Variants in HPSE2 observed in about 807,000 individuals in gnomAD.
HPSE2 encodes the protein heparanase 2 (inactive).
In HPSE2, 38 loss-of-function variants were observed where a neutral mutation model predicts 60.5. That is an observed-to-expected ratio of 0.63 (90% CI 0.48 to 0.82). HPSE2 has a LOEUF of 0.82. Ranked by LOEUF, HPSE2 falls within the 40% of genes least tolerant of loss-of-function variation. The pLI is 0.00. For missense variants in HPSE2, 713 were observed against 740.4 expected, an observed-to-expected ratio of 0.96 and a Z score of 0.43; for synonymous variants, 295 against 293.2, an observed-to-expected ratio of 1.01 and a Z score of -0.06.
chr10:98,703,364 C>G (rs1413490612), intron 5 of HPSE2, among the ~76,000 whole-genome samples: 1 of 152,152 alleles, frequency 6.6e-6, no homozygotes, highest in South Asian at 2.1e-4. Context: ...CAAAGAAGAG[C>G]TGGTACCAGT....
intron 3 of HPSE2, among the ~76,000 whole-genome samples, chr10:99,068,674 A>G (rs890827203): frequency 6.6e-6 from 1 of 152,200 alleles, no homozygotes; most frequent in African/African-American, 2.4e-5. Flanking sequence ...CAACAGAAAA[A>G]CAAAACATTA....
At chr10:98,595,543 A>G (rs781335736) in intron 9 of HPSE2, among the ~76,000 whole-genome samples, 24 of 152,090 alleles carry the variant, frequency 1.6e-4, no homozygotes, top group Admixed American at 2.6e-4. Context: ...ATTTTTATAT[A>G]TTGGTTTTAT....
chr10:99,177,519 CAAAG>C (rs1564870874), intron 2 of HPSE2, among the ~76,000 whole-genome samples: 2 of 151,936 alleles, frequency 1.3e-5, no homozygotes, highest in South Asian at 2.1e-4. Context: ...TCAAAAAAGA[CAAAG>C]AAGGGCATTA....
At chr10:99,070,778 T>C (rs1422016181) in intron 3 of HPSE2, among the ~76,000 whole-genome samples, 1 of 152,198 alleles carries the variant, frequency 6.6e-6, no homozygotes, top group Non-Finnish European at 1.5e-5. Flanking sequence ...CTGTGACTGG[T>C]TTATTTGACT....
intron 3 of HPSE2, among the ~76,000 whole-genome samples, chr10:98,776,278 CA>C (rs35176062): frequency 0.087 from 11,975 of 136,920 alleles, 728 homozygotes; most frequent in African/African-American, 0.17. Context: ...ACTAAAAATA[CA>C]AAAAAAAAAA....
At position 98,522,321 on chromosome 10, in the gene HPSE2, A is replaced by C. The variant is rs575373467; in HGVS notation, c.1321-32125T>G. Among the ~76,000 whole-genome samples, 26 of 152,110 alleles carry C rather than the reference A, an allele frequency of 1.7e-4. 1 individual carries two copies. The South Asian group carries it at 2.5e-3, about 15-fold the overall frequency. ...AGAATCAGGCTGTGGAGAGATAGAG[A>C]ATCTTTGTTCCCCACCATCCACTAT... On this transcript the variant is annotated intron_variant, in intron 9 of 11. Transcript: ENST00000370552.
chr10:98,606,456 G>A (rs372473145), intron 9 of HPSE2, among the ~76,000 whole-genome samples: 4 of 152,186 alleles, frequency 2.6e-5, no homozygotes, highest in South Asian at 2.1e-4. Context: ...AGAAGCTCCC[G>A]AGGTGACTAT....
At chr10:98,815,991 C>A (rs1443376484) in intron 3 of HPSE2, among the ~76,000 whole-genome samples, 2 of 133,148 alleles carry the variant, frequency 1.5e-5, no homozygotes, top group African/African-American at 5.8e-5. Context: ...AACACATGAA[C>A]ACAGGAAGGG....
At chr10:99,231,271 C>T (rs889424039) in intron 2 of HPSE2, among the ~76,000 whole-genome samples, 1 of 152,152 alleles carries the variant, frequency 6.6e-6, no homozygotes, top group African/African-American at 2.4e-5. Flanking sequence ...TTTGTAAGGA[C>T]AAGATATAAC....
the HPSE2 span, among the ~76,000 whole-genome samples, chr10:99,261,117 C>T: frequency 8.5e-5 from 13 of 152,182 alleles, no homozygotes; most frequent in Admixed American, 3.9e-4. Flanking sequence ...TGGTCCCTCC[C>T]TAGTCTCTGC....
chr10:98,940,927 A>G (rs1347394362), intron 3 of HPSE2, among the ~76,000 whole-genome samples: 1 of 130,100 alleles, frequency 7.7e-6, no homozygotes, highest in Non-Finnish European at 1.6e-5. Context: ...GGCTGGTTCA[A>G]TATACACAAA....
chr10:98,965,726 T>C (rs1382003158), intron 3 of HPSE2, among the ~76,000 whole-genome samples: 1 of 152,226 alleles, frequency 6.6e-6, no homozygotes, highest in Non-Finnish European at 1.5e-5. Context: ...TCATTGCCTC[T>C]AGCACTCATG....
intron 10 of HPSE2, among the ~76,000 whole-genome samples, chr10:98,485,617 C>T (rs1296632473): frequency 1.3e-5 from 2 of 152,192 alleles, no homozygotes; most frequent in East Asian, 1.9e-4. Context: ...AGAAGAACAT[C>T]GACTCTATCC....
intron 9 of HPSE2, among the ~76,000 whole-genome samples, chr10:98,560,455 C>T (rs1944139291): frequency 6.6e-6 from 1 of 152,248 alleles, no homozygotes; most frequent in Non-Finnish European, 1.5e-5. Flanking sequence ...CAGGTGGTCC[C>T]ATGGCCTGCC....
intron 5 of HPSE2, among the ~76,000 whole-genome samples, chr10:98,719,434 A>T (rs1221508474): frequency 6.6e-6 from 1 of 152,116 alleles, no homozygotes; most frequent in Non-Finnish European, 1.5e-5. Flanking sequence ...GAGAAGATCT[A>T]GAGAAAGGAG....
At chr10:98,971,005 C>T (rs1050695522) in intron 3 of HPSE2, among the ~76,000 whole-genome samples, 1 of 152,194 alleles carries the variant, frequency 6.6e-6, no homozygotes. Context: ...ATCATCTTCA[C>T]AGTTTGTGAT....
At chr10:98,627,331 C>G (rs1293104129) in intron 7 of HPSE2, among the ~76,000 whole-genome samples, 2 of 152,102 alleles carry the variant, frequency 1.3e-5, no homozygotes, top group Admixed American at 1.3e-4. Flanking sequence ...AAAAAATTAG[C>G]CAATCATGGT....
intron 3 of HPSE2, among the ~76,000 whole-genome samples, chr10:99,071,094 A>T: frequency 7.5e-6 from 1 of 133,072 alleles, no homozygotes; most frequent in Non-Finnish European, 1.6e-5. Context: ...TTTGAGATGG[A>T]GTCTCACTCT....
At chr10:99,153,063 C>T (rs1359892574) in intron 2 of HPSE2, among the ~76,000 whole-genome samples, 3 of 152,244 alleles carry the variant, frequency 2.0e-5, no homozygotes, top group Admixed American at 2.0e-4. Flanking sequence ...AAACTGCGCA[C>T]CACGAGATTA....
Sources: allele counts gnomAD v4.1 joint callset (sites outside exome capture counted in the v4.1 genomes callset), GRCh38; gene constraint gnomAD v4.1.1; transcripts MANE v1.5; gene names NCBI Gene and HGNC (gene_info 2026-07-23, HGNC 2026-07-21).